FNDC3A: variants seen among roughly 807,000 people sequenced by gnomAD.
The protein encoded by FNDC3A is fibronectin type-III domain-containing protein 3A.
Under a neutral mutation model 148.9 loss-of-function variants are expected in FNDC3A, and 32 were observed. That is an observed-to-expected ratio of 0.21 (90% CI 0.16 to 0.29). The LOEUF (loss-of-function observed/expected upper bound fraction) is 0.29, where lower values mean the gene tolerates loss of function less well. FNDC3A is among the 10% of genes least tolerant of loss of function. The pLI, the probability that FNDC3A is intolerant of heterozygous loss-of-function variation, is 1.00. For synonymous variants in FNDC3A, 472 were observed against 473.6 expected (o/e 1.00, Z 0.04); for missense variants, 1,191 against 1,452.8 (o/e 0.82, Z 2.93).
At chr13:49,137,501 C>T (rs994790451) in intron 6 of FNDC3A, among the ~76,000 whole-genome samples, 10 of 152,248 alleles carry the variant, frequency 6.6e-5, no homozygotes, top group Admixed American at 2.0e-4. Context: ...CATGCCACCA[C>T]GCCCAACTAC....
intron 5 of FNDC3A, among the ~76,000 whole-genome samples, chr13:49,134,285 A>T (rs1882202609): frequency 6.6e-6 from 1 of 152,220 alleles, no homozygotes; most frequent in South Asian, 2.1e-4. Flanking sequence ...AAATTTCATT[A>T]AAATGTTCAT....
chr13:49,078,285 G>A (rs1359066), intron 3 of FNDC3A, among the ~76,000 whole-genome samples: 88,037 of 151,956 alleles, frequency 0.58, 27,152 homozygotes, highest in Non-Finnish European at 0.68. Flanking sequence ...TTTTATATGC[G>A]GCAGTGACCC....
intron 2 of FNDC3A, among the ~76,000 whole-genome samples, chr13:49,016,847 A>T (rs1266266082): frequency 1.3e-5 from 2 of 151,142 alleles, no homozygotes; most frequent in Non-Finnish European, 2.9e-5. Flanking sequence ...TTCTGCCTTC[A>T]TTTCGTTATG....
chr13:49,117,365 C>A (rs902716471), intron 4 of FNDC3A, among the ~76,000 whole-genome samples: 1 of 152,154 alleles, frequency 6.6e-6, no homozygotes, highest in African/African-American at 2.4e-5. Context: ...TTTTTGTAGC[C>A]GAACATTTCT....
At chr13:49,067,988 G>C (rs565421830) in intron 2 of FNDC3A, among the ~76,000 whole-genome samples, 31 of 152,112 alleles carry the variant, frequency 2.0e-4, no homozygotes, top group Non-Finnish European at 2.9e-4. Context: ...CATTAAAAAT[G>C]TGTTGGAAAT....
At chr13:49,149,052 T>G (rs1566284298) in intron 8 of FNDC3A, among the ~76,000 whole-genome samples, 1 of 152,186 alleles carries the variant, frequency 6.6e-6, no homozygotes, top group Non-Finnish European at 1.5e-5. Context: ...TATTTTGATT[T>G]TATATCCTGC....
intron 2 of FNDC3A, among the ~76,000 whole-genome samples, chr13:49,057,556 T>G (rs920358380): frequency 5.9e-5 from 9 of 152,306 alleles, no homozygotes; most frequent in Non-Finnish European, 8.8e-5. Flanking sequence ...GCATTTTTGG[T>G]TGTTTTGTGG....
intron 2 of FNDC3A, among the ~76,000 whole-genome samples, chr13:49,071,047 T>C (rs1239677888): frequency 1.8e-4 from 26 of 144,244 alleles, no homozygotes; most frequent in Non-Finnish European, 7.5e-5. Flanking sequence ...TACAGGCATG[T>C]ACCCCCATGC....
chr13:49,013,531 T>C (rs1366257752), intron 2 of FNDC3A, among the ~76,000 whole-genome samples: 1 of 151,554 alleles, frequency 6.6e-6, no homozygotes, highest in Non-Finnish European at 1.5e-5. Context: ...TGTATACATG[T>C]ATATACGTGT....
intron 3 of FNDC3A, among the ~76,000 whole-genome samples, chr13:49,108,293 C>T (rs749246589): frequency 1.3e-5 from 2 of 152,124 alleles, no homozygotes; most frequent in Non-Finnish European, 2.9e-5. Context: ...GAGGACTCAG[C>T]CTTAAAGCAT....
At chr13:49,038,084 G>A (rs973317028) in intron 2 of FNDC3A, among the ~76,000 whole-genome samples, 6 of 152,104 alleles carry the variant, frequency 3.9e-5, no homozygotes, top group African/African-American at 7.2e-5. Context: ...GCCATCCAGC[G>A]GCCGATCTCT....
At position 49,196,918 on chromosome 13, in the gene FNDC3A, T is replaced by C. The variant is rs199841532; in HGVS notation, c.2268T>C (p.Pro756=). Residue 756 remains proline, a synonymous_variant, in exon 20 of 26, where the codon CCT becomes CCC. Coordinates refer to ENST00000492622, the MANE Select transcript of FNDC3A (RefSeq NM_001079673.2). ...FSEKCDITTA[P]GPPDQCKPPQ... is the part of the protein sequence containing the mutation. The stretch of plus-strand genomic sequence containing the variant: ...AAAAATGTGATATTACTACAGCCCC[T>C]GGGCCACCAGATCAGTGCAAGCCCC... 2.5e-6 allele frequency: 4 copies of C among 1,611,280 alleles called. No individual in the cohort carries two copies. The highest frequency in any genetic ancestry group is 1.3e-5 in the African/African-American group (1 of 74,970).
chr13:49,116,826 T>C (rs1281958217), intron 4 of FNDC3A, among the ~76,000 whole-genome samples: 5 of 151,836 alleles, frequency 3.3e-5, no homozygotes, highest in Non-Finnish European at 7.4e-5. Context: ...GAGCTGGTTA[T>C]ATTTTACAAG....
At chr13:49,084,884 A>G (rs141488667) in intron 3 of FNDC3A, among the ~76,000 whole-genome samples, 7 of 152,134 alleles carry the variant, frequency 4.6e-5, no homozygotes, top group African/African-American at 1.7e-4. Flanking sequence ...TCTTGCTTCT[A>G]CTGTCCCCTC....
At chr13:49,086,930 C>G (rs1178573530) in intron 3 of FNDC3A, among the ~76,000 whole-genome samples, 1 of 152,058 alleles carries the variant, frequency 6.6e-6, no homozygotes, top group Non-Finnish European at 1.5e-5. Flanking sequence ...CAGCCCATTT[C>G]AATTTAAGTG....
intron 23 of FNDC3A, among the ~76,000 whole-genome samples, chr13:49,199,916 C>T (rs903072461): frequency 6.6e-6 from 1 of 152,104 alleles, no homozygotes; most frequent in Non-Finnish European, 1.5e-5. Flanking sequence ...TGTACTATTC[C>T]TATATAATGT....
rs185668560 is a variant in FNDC3A, at chr13:49,181,710, C to T, written c.1617+3056C>T. On this transcript the variant is annotated intron_variant, in intron 14 of 25. Transcript: ENST00000492622. ...TCAAACAGTCGTATCAAAATAAAAT[C>T]TTAATATTTTAGAGAGATCTTAGAA... 3.3e-5 allele frequency among the ~76,000 whole-genome samples: 5 copies of T among 151,746 alleles called. No homozygotes were observed. In the East Asian group the frequency reaches 9.7e-4, roughly 29 times the overall value.
Position 49,070,881 on chromosome 13 carries a change from CT to C in FNDC3A, c.100-4396del, listed in dbSNP as rs758290861. On this transcript the variant is annotated intron_variant, in intron 2 of 25. Coordinates refer to ENST00000492622, the MANE Select transcript of FNDC3A (RefSeq NM_001079673.2). ...CATTTTGCCACAGATAACAGGATTTCTTTTTTTTTTTTGTTTTGTTTTTTTT... is the reference window on the plus strand; with the variant it reads ...CATTTTGCCACAGATAACAGGATTTCTTTTTTTTTTTGTTTTGTTTTTTTT... Among the ~76,000 whole-genome samples the C allele has an allele frequency of 1.6e-3, 192 of 120,954 alleles. 3 individuals are homozygous for C. The highest frequency in any genetic ancestry group is 5.3e-3 in the African/African-American group (179 of 33,714). 79.4% of individuals were successfully genotyped at this position (120,954 alleles called of 152,430 possible).
At chr13:48,983,778 A>C (rs1283081349) in intron 1 of FNDC3A, among the ~76,000 whole-genome samples, 2 of 152,198 alleles carry the variant, frequency 1.3e-5, no homozygotes, top group Non-Finnish European at 2.9e-5. Flanking sequence ...AGATACTATT[A>C]TCACCAAATG....
Sources: gnomAD v4.1 joint callset for allele counts (sites outside exome capture counted in the v4.1 genomes callset) on GRCh38, gnomAD v4.1.1 for gene constraint, MANE v1.5 for transcripts, NCBI Gene and HGNC (gene_info 2026-07-23, HGNC 2026-07-21) for gene names.